BNC2: variants seen among roughly 807,000 people sequenced by gnomAD.
BNC2 encodes the protein zinc finger protein basonuclin-2.
BNC2 carries 20 observed loss-of-function variants against 76.3 expected under a neutral mutation model. The ratio of observed to expected loss-of-function variants is 0.26; its 90% confidence interval spans 0.18 to 0.38. BNC2 has a LOEUF of 0.38. Ranked by LOEUF, BNC2 falls within the 10% of genes least tolerant of loss-of-function variation. The probability of loss-of-function intolerance (pLI) is 1.00; values close to 1 mark genes in which losing one functional copy is unlikely to be tolerated. For synonymous variants in BNC2, 582 were observed against 514.8 expected (o/e 1.13, Z -1.77); for missense variants, 1,382 against 1,399.8 (o/e 0.99, Z 0.20).
At chr9:16,795,646 G>A (rs112936492) in intron 1 of BNC2, among the ~76,000 whole-genome samples, 4 of 152,188 alleles carry the variant, frequency 2.6e-5, no homozygotes, top group African/African-American at 9.6e-5. Context: ...CTCCAGAGAG[G>A]ATATCATGAT....
At chr9:16,838,408 A>T (rs1475152007) in intron 1 of BNC2, among the ~76,000 whole-genome samples, 1 of 152,148 alleles carries the variant, frequency 6.6e-6, no homozygotes, top group Non-Finnish European at 1.5e-5. Context: ...GAAAAAATAC[A>T]AAATCAGCTG....
At chr9:16,628,335 A>T (rs1188740043) in intron 3 of BNC2, among the ~76,000 whole-genome samples, 1 of 152,166 alleles carries the variant, frequency 6.6e-6, no homozygotes, top group Non-Finnish European at 1.5e-5. Flanking sequence ...TCTTGTTTAG[A>T]GAAAGTTTCA....
intron 3 of BNC2, among the ~76,000 whole-genome samples, chr9:16,676,789 A>C (rs1822656410): frequency 6.6e-6 from 1 of 152,254 alleles, no homozygotes; most frequent in Non-Finnish European, 1.5e-5. Context: ...AGTGAGAACA[A>C]GGGAGGAGAA....
intron 3 of BNC2, among the ~76,000 whole-genome samples, chr9:16,691,499 G>A (rs1365911713): frequency 3.1e-5 from 4 of 128,200 alleles, no homozygotes; most frequent in South Asian, 2.4e-4. Context: ...GGATGGGTAT[G>A]GGTTCTTTTT....
chr9:16,607,378 C>T (rs1241506595), intron 3 of BNC2, among the ~76,000 whole-genome samples: 1 of 152,104 alleles, frequency 6.6e-6, no homozygotes, highest in Non-Finnish European at 1.5e-5. Context: ...TATGAAGTGG[C>T]ATTTAAAAGA....
At chr9:16,525,714 A>G (rs1339960608) in intron 5 of BNC2, among the ~76,000 whole-genome samples, 2 of 152,226 alleles carry the variant, frequency 1.3e-5, no homozygotes, top group Non-Finnish European at 2.9e-5. Flanking sequence ...AGTTGTTTAC[A>G]AGATATATTA....
At chr9:16,770,307 A>G (rs1275325371) in intron 1 of BNC2, among the ~76,000 whole-genome samples, 1 of 152,186 alleles carries the variant, frequency 6.6e-6, no homozygotes. Context: ...CTATTCAGGT[A>G]AAACAGAGAT....
At chr9:16,491,294 T>A (rs1822274888) in intron 5 of BNC2, among the ~76,000 whole-genome samples, 1 of 152,206 alleles carries the variant, frequency 6.6e-6, no homozygotes, top group African/African-American at 2.4e-5. Flanking sequence ...GAGGCAATGC[T>A]GCTAATCAAG....
Position 16,845,529 on chromosome 9 carries a change from G to A in BNC2, c.3+25117C>T, listed in dbSNP as rs377045443. Among the ~76,000 whole-genome samples the A allele has an allele frequency of 1.2e-4, 18 of 152,042 alleles. No homozygotes were observed. In the East Asian group the frequency reaches 2.0e-3, roughly 17 times the overall value. On this transcript the variant is annotated intron_variant, in intron 1 of 6. Coordinates refer to ENST00000380672, the MANE Select transcript of BNC2 (RefSeq NM_017637.6). ...AAGGTCAGGAGATCGAGACCATCCT[G>A]GCTAACACAGTGAAACCCCATCTCT...
At chr9:16,599,298 A>G (rs1268540886) in intron 3 of BNC2, among the ~76,000 whole-genome samples, 2 of 152,248 alleles carry the variant, frequency 1.3e-5, no homozygotes, top group African/African-American at 2.4e-5. Flanking sequence ...TAACTTACAT[A>G]CTACAGAGAT....
intron 5 of BNC2, among the ~76,000 whole-genome samples, chr9:16,491,051 G>C (rs1822268957): frequency 6.6e-6 from 1 of 152,200 alleles, no homozygotes. Context: ...CAGAGACGCA[G>C]ACAGACAACG....
chr9:16,786,793 T>C (rs1049545372), intron 1 of BNC2, among the ~76,000 whole-genome samples: 1 of 152,094 alleles, frequency 6.6e-6, no homozygotes, highest in Non-Finnish European at 1.5e-5. Context: ...AAGAGTGGCA[T>C]CCTCAAGGGA....
intron 3 of BNC2, among the ~76,000 whole-genome samples, chr9:16,585,244 A>C (rs1819736719): frequency 6.6e-6 from 1 of 152,162 alleles, no homozygotes; most frequent in Admixed American, 6.6e-5. Context: ...TTACTGGTTG[A>C]ATCATTCATT....
chr9:16,849,352 A>ATTTT lies in BNC2; in HGVS notation c.3+21290_3+21293dup, dbSNP rs35561834. Among the ~76,000 whole-genome samples the ATTTT allele has an allele frequency of 7.8e-3, 703 of 90,088 alleles. 30 individuals carry two copies. Among genetic ancestry groups the ATTTT allele is most frequent in the African/African-American group, 0.026 (570 of 21,808 alleles). The allele number at this position is 90,088 out of a possible 152,430, so 59.1% of individuals were successfully genotyped here. A position where few individuals can be genotyped will look rare whatever the true frequency, so the allele number is the denominator to read the frequency against. On this transcript the variant is annotated intron_variant, in intron 1 of 6. Transcript: ENST00000380672. ...TAGATCTGCAGATTCCATGCAAAAG[A>ATTTT]TTTTTTTTTTTTTTTTTTTTTTTTG...
chr9:16,565,344 G>C (rs1398152107), intron 4 of BNC2, among the ~76,000 whole-genome samples: 1 of 152,134 alleles, frequency 6.6e-6, no homozygotes, highest in Non-Finnish European at 1.5e-5. Flanking sequence ...TGGGCCCTCT[G>C]ATCTGCCCAA....
rs543298725 is a variant in BNC2, at chr9:16,480,664, G to A, written c.670-43140C>T. 1.2e-4 allele frequency among the ~76,000 whole-genome samples: 19 copies of A among 152,352 alleles called. No individual in the cohort carries two copies. In the East Asian group the frequency reaches 3.3e-3, roughly 26 times the overall value. The stretch of plus-strand genomic sequence containing the variant: ...GTTTAGCACCCGGGCCAGCGGCTGC[G>A]GAGGGTGTACTGGGTCCCCCAGCAG... On this transcript the variant is annotated intron_variant, in intron 5 of 6. Coordinates refer to ENST00000380672, the MANE Select transcript of BNC2 (RefSeq NM_017637.6).
In BNC2 at chr9:16,746,961, C is replaced by CAA. The variant is rs34521803; in HGVS notation, c.4-8478_4-8477dup. Among the ~76,000 whole-genome samples, 294 of 138,660 alleles carry CAA rather than the reference C, an allele frequency of 2.1e-3. 1 individual carries two copies. Among genetic ancestry groups the CAA allele is most frequent in the Middle Eastern group, 7.5e-3 (2 of 266 alleles). 91.0% of individuals were successfully genotyped at this position (138,660 alleles called of 152,430 possible). On this transcript the variant is annotated intron_variant, in intron 1 of 6. Transcript: ENST00000380672. ...TGGGTGACAGAGCAAGACTCCATCTCAAAAAAAAAAAAAATTAATCCATGT... is the reference window on the plus strand; with the variant it reads ...TGGGTGACAGAGCAAGACTCCATCTCAAAAAAAAAAAAAAAATTAATCCATGT...
chr9:16,638,273 A>G (rs1325718665), intron 3 of BNC2, among the ~76,000 whole-genome samples: 1 of 152,188 alleles, frequency 6.6e-6, no homozygotes, highest in African/African-American at 2.4e-5. Context: ...AGACATAAAA[A>G]TGTTGAAAAT....
At chr9:16,782,762 A>C (rs1826189416) in intron 1 of BNC2, among the ~76,000 whole-genome samples, 1 of 152,148 alleles carries the variant, frequency 6.6e-6, no homozygotes, top group South Asian at 2.1e-4. Context: ...ACCAGACTCT[A>C]AGATACTCTG....
Sources: gnomAD v4.1 joint callset for allele counts (sites outside exome capture counted in the v4.1 genomes callset) on GRCh38, gnomAD v4.1.1 for gene constraint, MANE v1.5 for transcripts, NCBI Gene and HGNC (gene_info 2026-07-23, HGNC 2026-07-21) for gene names.